The following PDZD2 variants were observed in gnomAD, a reference collection of about 807,000 sequenced individuals.
PDZD2 encodes PDZ domain-containing protein 2.
PDZD2 carries 90 observed loss-of-function variants against 220.7 expected under a neutral mutation model. The ratio of observed to expected loss-of-function variants is 0.41; its 90% CI spans 0.34 to 0.49. PDZD2 has a LOEUF of 0.49. Ranked by LOEUF, PDZD2 falls within the 20% of genes least tolerant of loss-of-function variation. The pLI, the probability that PDZD2 is intolerant of heterozygous loss-of-function variation, is 0.28. For missense variants in PDZD2, 3,174 were observed against 3,608.5 expected, an observed-to-expected ratio of 0.88 and a Z score of 3.08; for synonymous variants, 1,375 against 1,450.5, an observed-to-expected ratio of 0.95 and a Z score of 1.18.
chr5:32,027,173 G>A (rs767181646), intron 6 of PDZD2, among the ~76,000 whole-genome samples: 3 of 152,124 alleles, frequency 2.0e-5, no homozygotes, highest in Non-Finnish European at 4.4e-5. Flanking sequence ...CAAAGTGCTG[G>A]AATTACAGGC....
rs182319731 is a variant in PDZD2, at chr5:31,932,075, T to C, written c.477-51080T>C. Among the ~76,000 whole-genome samples the C allele has an allele frequency of 2.8e-4, 42 of 152,182 alleles. 1 individual carries two copies. Among genetic ancestry groups the C allele is most frequent in the Admixed American group, 2.7e-3 (42 of 15,280 alleles). ...TCAAGGGGCAGGAAAACAAACCTTG[T>C]TTGCTTTCATAACTTTCTGTGTGTG... On this transcript the variant is annotated intron_variant, in intron 2 of 24. Coordinates refer to ENST00000438447, the MANE Select transcript of PDZD2 (RefSeq NM_178140.4).
chr5:32,104,154 TC>T (rs1744512167), intron 24 of PDZD2, among the ~76,000 whole-genome samples: 1 of 152,014 alleles, frequency 6.6e-6, no homozygotes, highest in Admixed American at 6.6e-5. Flanking sequence ...ATGCTTGTAA[TC>T]CCGGCACTTT....
intron 2 of PDZD2, among the ~76,000 whole-genome samples, chr5:31,911,687 G>A (rs751331544): frequency 6.6e-6 from 1 of 152,214 alleles, no homozygotes; most frequent in Non-Finnish European, 1.5e-5. Context: ...CAAGAATCAG[G>A]CTTGGATGTG....
intron 2 of PDZD2, among the ~76,000 whole-genome samples, chr5:31,920,968 G>A (rs1162551830): frequency 6.6e-6 from 1 of 152,188 alleles, no homozygotes; most frequent in Non-Finnish European, 1.5e-5. Flanking sequence ...TCAGTGTCAT[G>A]TAATACTCCG....
At chr5:31,667,843 CTTTTTTTTTTCCTTTT>C (rs1006286182) in intron 1 of PDZD2, among the ~76,000 whole-genome samples, 1 of 136,028 alleles carries the variant, frequency 7.4e-6, no homozygotes, top group Non-Finnish European at 1.6e-5. Context: ...AACAAACTGC[CTTTTTTTTTTCCTTTT>C]TTTTTTTTTT....
intron 1 of PDZD2, among the ~76,000 whole-genome samples, chr5:31,644,560 A>G (rs1232464933): frequency 2.6e-5 from 4 of 152,220 alleles, no homozygotes; most frequent in Non-Finnish European, 4.4e-5. Context: ...CATGCGGAGA[A>G]GACACATTTG....
intron 1 of PDZD2, among the ~76,000 whole-genome samples, chr5:31,777,210 G>A (rs1249473605): frequency 6.6e-6 from 1 of 152,198 alleles, no homozygotes; most frequent in Non-Finnish European, 1.5e-5. Flanking sequence ...GCTGGCAGGT[G>A]CCACTGGCCC....
chr5:31,639,394 G>C lies in PDZD2; in HGVS notation c.-404G>C, dbSNP rs1460212140. The C allele has an allele frequency of 6.6e-6, 1 of 151,164 alleles. No homozygotes were observed. The highest frequency in any genetic ancestry group is 1.5e-5 in the Non-Finnish European group (1 of 67,718). 9.4% of individuals were successfully genotyped at this position (151,164 alleles called of 1,614,324 possible). A position where few individuals can be genotyped will look rare whatever the true frequency, so the allele number is the denominator to read the frequency against. On this transcript the variant is annotated 5_prime_UTR_variant, in exon 1 of 25. Transcript: ENST00000438447. This position sits in a 1 kb window ranked among gnomAD's most constrained non-coding sequence, Gnocchi z 4.1. Reference sequence around the variant, plus strand: ...ACCCGCCGGGCGGCGCCTGGGTCTGGACGCGCGAGGAAGCCGCGGGAGCCT... The same window carrying C: ...ACCCGCCGGGCGGCGCCTGGGTCTGCACGCGCGAGGAAGCCGCGGGAGCCT...
At chr5:31,798,439 T>A (rs368024649) in intron 1 of PDZD2, among the ~76,000 whole-genome samples, 55 of 152,190 alleles carry the variant, frequency 3.6e-4, no homozygotes, top group African/African-American at 1.3e-3. Context: ...CAGAACAGAT[T>A]TCTGGAATGG....
At chr5:31,929,917 C>G (rs1050017496) in intron 2 of PDZD2, among the ~76,000 whole-genome samples, 3 of 152,118 alleles carry the variant, frequency 2.0e-5, no homozygotes, top group Admixed American at 1.3e-4. Flanking sequence ...GAGGATCCCC[C>G]GTGAATGGCT....
chr5:31,662,931 A>T (rs892217056), intron 1 of PDZD2, among the ~76,000 whole-genome samples: 6 of 152,204 alleles, frequency 3.9e-5, no homozygotes. Flanking sequence ...CACCTGGCCA[A>T]GGCCCCACCT....
At chr5:31,780,965 C>T (rs752259583) in intron 1 of PDZD2, among the ~76,000 whole-genome samples, 34 of 152,220 alleles carry the variant, frequency 2.2e-4, no homozygotes, top group Non-Finnish European at 4.0e-4. Context: ...TAGAAGGCGT[C>T]ACCTCATGTC....
At chr5:31,938,346 T>C (rs1282900358) in intron 2 of PDZD2, among the ~76,000 whole-genome samples, 1 of 152,242 alleles carries the variant, frequency 6.6e-6, no homozygotes, top group Non-Finnish European at 1.5e-5. Context: ...TAGTCTGTAT[T>C]GGTGCCATCG....
chr5:31,902,726 G>A (rs527457403), intron 2 of PDZD2, among the ~76,000 whole-genome samples: 1 of 151,596 alleles, frequency 6.6e-6, no homozygotes, highest in Non-Finnish European at 1.5e-5. Flanking sequence ...AATTAGCCGG[G>A]TGCAGTGGCA....
At chr5:31,874,267 A>T (rs970051469) in intron 2 of PDZD2, among the ~76,000 whole-genome samples, 11 of 152,184 alleles carry the variant, frequency 7.2e-5, no homozygotes, top group African/African-American at 2.7e-4. Context: ...TGCTTGACCA[A>T]ACAACTTGGG....
At chr5:31,821,238 A>G (rs1755826857) in intron 2 of PDZD2, among the ~76,000 whole-genome samples, 1 of 151,952 alleles carries the variant, frequency 6.6e-6, no homozygotes, top group Admixed American at 6.6e-5. Flanking sequence ...ACATTTTTAA[A>G]TTTATCTTTA....
intron 1 of PDZD2, among the ~76,000 whole-genome samples, chr5:31,671,935 T>C (rs1017613137): frequency 6.6e-6 from 1 of 152,172 alleles, no homozygotes; most frequent in Admixed American, 6.5e-5. Context: ...TCCTCAGTTC[T>C]CTCCTGGATG....
intron 6 of PDZD2, among the ~76,000 whole-genome samples, chr5:32,016,572 C>T (rs774061017): frequency 2.5e-4 from 38 of 152,292 alleles, no homozygotes; most frequent in Admixed American, 5.9e-4. Context: ...AGCGCATGTT[C>T]TTCCCCTGAG....
At chr5:31,818,869 C>A (rs1397703080) in intron 2 of PDZD2, among the ~76,000 whole-genome samples, 2 of 152,192 alleles carry the variant, frequency 1.3e-5, no homozygotes, top group African/African-American at 2.4e-5. Flanking sequence ...ACAGCTCTAT[C>A]ATGCTAACTC....
Sources: allele counts gnomAD v4.1 joint callset (sites outside exome capture counted in the v4.1 genomes callset), GRCh38; gene constraint gnomAD v4.1.1; non-coding constraint Gnocchi (gnomAD v3.1); transcripts MANE v1.5; gene names NCBI Gene and HGNC (gene_info 2026-07-23, HGNC 2026-07-21).